P2RY12: variants seen among roughly 807,000 people sequenced by gnomAD.
The protein encoded by P2RY12 is P2Y purinoceptor 12.
Under a neutral mutation model 4.5 loss-of-function variants are expected in P2RY12, and 3 were observed. The ratio of observed to expected loss-of-function variants is 0.67; its 90% confidence interval spans 0.31 to 1.74. The LOEUF (loss-of-function observed/expected upper bound fraction) is 1.74. Among genes scored for constraint, P2RY12 ranks in the 40% most tolerant of loss-of-function variants. The pLI, the probability that P2RY12 is intolerant of heterozygous loss-of-function variation, is 0.09. For synonymous variants in P2RY12, 148 were observed against 154.1 expected (o/e 0.96, Z 0.29); for missense variants, 356 against 407.8 (o/e 0.87, Z 1.09).
At chr3:151,383,298 C>T (rs1021649480) in intron 1 of P2RY12, among the ~76,000 whole-genome samples, 12 of 152,202 alleles carry the variant, frequency 7.9e-5, no homozygotes, top group Admixed American at 3.9e-4. Context: ...TGTCCCAACA[C>T]GTGAACTGGT....
rs188653267 is a variant in P2RY12 at position 151,368,166 on chromosome 3, C to T, written c.-180+16526G>A. On this transcript the variant is annotated intron_variant, in intron 1 of 2. Coordinates refer to ENST00000302632, the MANE Select transcript of P2RY12 (RefSeq NM_022788.5). ...CTTTCCTAGCTTGTGGGGATGCGGA[C>T]GCCGAGCCTGGGGCGAGAATGACAT... 3.4e-4 allele frequency: 552 copies of T among 1,613,932 alleles called. 2 individuals are homozygous for T. The highest frequency in any genetic ancestry group is 2.0e-3 in the East Asian group (90 of 44,870).
chr3:151,376,077 A>G, intron 1 of P2RY12: 1 of 1,610,582 alleles, frequency 6.2e-7, no homozygotes, highest in Non-Finnish European at 8.5e-7. Flanking sequence ...ATGTACAGAC[A>G]AAGAACTTAT....
At chr3:151,364,383 AATGAT>A (rs1755023979) in intron 1 of P2RY12, among the ~76,000 whole-genome samples, 1 of 152,158 alleles carries the variant, frequency 6.6e-6, no homozygotes, top group Non-Finnish European at 1.5e-5. Context: ...AGTTTTTATG[AATGAT>A]ATAATAGTTT....
At chr3:151,380,602 A>G (rs77904173) in intron 1 of P2RY12, among the ~76,000 whole-genome samples, 1 of 144,124 alleles carries the variant, frequency 6.9e-6, no homozygotes, top group African/African-American at 2.6e-5. Context: ...TGTCTCAAAA[A>G]AAAAAAAAAA....
chr3:151,357,594 G>T (rs1754084210), intron 1 of P2RY12, among the ~76,000 whole-genome samples: 1 of 152,052 alleles, frequency 6.6e-6, no homozygotes, highest in Admixed American at 6.6e-5. Context: ...CTTCCTCCTT[G>T]CCTTTCTTCC....
chr3:151,364,074 G>C (rs576417323), intron 1 of P2RY12, among the ~76,000 whole-genome samples: 1 of 152,184 alleles, frequency 6.6e-6, no homozygotes, highest in African/African-American at 2.4e-5. Flanking sequence ...CTATAAAACA[G>C]ACTTTCTGAT....
chr3:151,384,110 G>A, intron 1 of P2RY12: 1 of 1,613,794 alleles, frequency 6.2e-7, no homozygotes, highest in Non-Finnish European at 8.5e-7. Flanking sequence ...TTCTTGACAT[G>A]CTGGGTGTTT....
chr3:151,340,450 A>G (rs949967588), intron 2 of P2RY12, 146 bp downstream of exon 2: 26 of 152,528 alleles, frequency 1.7e-4, no homozygotes, highest in African/African-American at 6.3e-4. Flanking sequence ...TTAGACTTCT[A>G]TTTTAATTAT....
At position 151,337,715 on chromosome 3, in the gene P2RY12, A is replaced by T. The variant is rs1031813991; in HGVS notation, c.*102T>A. ...CTTCTGTTTCTTTAGAGTCATTATT[A>T]TTAACTTAGTTGCTTCTTCGTCAGT... On this transcript the variant is annotated 3_prime_UTR_variant, in exon 3 of 3. Coordinates refer to ENST00000302632, the MANE Select transcript of P2RY12 (RefSeq NM_022788.5). 4.3e-6 allele frequency: 5 copies of T among 1,157,004 alleles called. No individual in the cohort carries two copies. The African/African-American group carries it at 7.7e-5, about 18-fold the overall frequency. 71.7% of individuals were successfully genotyped at this position (1,157,004 alleles called of 1,614,324 possible).
At chr3:151,361,603 A>T (rs981404506) in intron 1 of P2RY12, among the ~76,000 whole-genome samples, 1 of 152,112 alleles carries the variant, frequency 6.6e-6, no homozygotes, top group Non-Finnish European at 1.5e-5. Context: ...AGAAAGTTGT[A>T]TTTTTATAAA....
chr3:151,377,975 A>G, intron 1 of P2RY12: 3 of 1,535,154 alleles, frequency 2.0e-6, no homozygotes, highest in East Asian at 4.7e-5. Context: ...AGGGGAAAGG[A>G]TGCTTTCTCC....
rs988463695 is a variant in P2RY12 at position 151,338,504 on chromosome 3, G to A, written c.342C>T (p.Phe114=). ...AGCGATCGATAGTTATCAGTCCCAG[G>A]AATGAAATACTGATATACATTGTGA... ...FYFTMYISIS[F]LGLITIDRYQ... is the part of the protein sequence containing the mutation. Residue 114 remains phenylalanine (F), a synonymous_variant, in exon 3 of 3, where the codon TTC becomes TTT. Coordinates refer to ENST00000302632, the MANE Select transcript of P2RY12 (RefSeq NM_022788.5). 6.2e-7 allele frequency: 1 copy of A among 1,613,714 alleles called. No homozygotes were observed. Among genetic ancestry groups the A allele is most frequent in the Non-Finnish European group, 8.5e-7 (1 of 1,179,952 alleles).
chr3:151,355,168 C>G, intron 1 of P2RY12: 2 of 1,614,004 alleles, frequency 1.2e-6, no homozygotes, highest in Non-Finnish European at 1.7e-6. Context: ...GGAGACATTT[C>G]CAACACTGGA....
intron 1 of P2RY12, among the ~76,000 whole-genome samples, chr3:151,344,805 T>C (rs965144442): frequency 1.3e-5 from 2 of 152,236 alleles, no homozygotes; most frequent in African/African-American, 2.4e-5. Context: ...ATTTAAAAAT[T>C]CTATGATAAT....
In P2RY12 at chr3:151,383,825, C is replaced by T. The variant is rs1448193231; in HGVS notation, c.-180+867G>A. The T allele has an allele frequency of 6.2e-6, 10 of 1,613,840 alleles. No homozygotes were observed. The Admixed American group carries it at 8.3e-5, about 13-fold the overall frequency. On this transcript the variant is annotated intron_variant, in intron 1 of 2. Transcript: ENST00000302632. Reference sequence around the variant, plus strand: ...GTGCAGAGGAGCACCCAGTGGACTACAGACTGGGCCCTGCTACTCCTTCAG... The same window carrying T: ...GTGCAGAGGAGCACCCAGTGGACTATAGACTGGGCCCTGCTACTCCTTCAG...
chr3:151,354,901 C>G (rs1218184578), intron 1 of P2RY12, among the ~76,000 whole-genome samples: 1 of 152,138 alleles, frequency 6.6e-6, no homozygotes, highest in South Asian at 2.1e-4. Flanking sequence ...GGATTTTGAT[C>G]TCCTAGGGAG....
chr3:151,380,379 C>T (rs184425144), intron 1 of P2RY12, among the ~76,000 whole-genome samples: 167 of 152,162 alleles, frequency 1.1e-3, no homozygotes, highest in African/African-American at 3.6e-3. Context: ...GGTGGATCAC[C>T]TGAGGCCAGG....
rs145949031 is a variant in P2RY12, at chr3:151,349,383, C to T, written c.-179-8623G>A. Among the ~76,000 whole-genome samples the T allele has an allele frequency of 7.9e-5, 12 of 152,276 alleles. No individual in the cohort carries two copies. The East Asian group carries it at 1.7e-3, about 22-fold the overall frequency. On this transcript the variant is annotated intron_variant, in intron 1 of 2. Coordinates refer to ENST00000302632, the MANE Select transcript of P2RY12 (RefSeq NM_022788.5). The stretch of plus-strand genomic sequence containing the variant: ...TGCCTCACACCTAATGACACCTACA[C>T]GCTTTATTGTTTTGTCTTTTGGAAA...
In P2RY12 at chr3:151,355,859, T is replaced by C. The variant is rs532608665; in HGVS notation, c.-179-15099A>G. The stretch of plus-strand genomic sequence containing the variant: ...TATCTTAGTAAAAGATTATTTAGAA[T>C]ATTGGTCTTACAATATTTTTGTTTT... On this transcript the variant is annotated intron_variant, in intron 1 of 2. Transcript: ENST00000302632. 3.2e-6 allele frequency: 5 copies of C among 1,555,594 alleles called. No homozygotes were observed. The East Asian group carries it at 9.0e-5, about 28-fold the overall frequency.
Sources: allele counts gnomAD v4.1 joint callset (sites outside exome capture counted in the v4.1 genomes callset), GRCh38; gene constraint gnomAD v4.1.1; transcripts MANE v1.5; gene names NCBI Gene and HGNC (gene_info 2026-07-23, HGNC 2026-07-21).